Variants in RPA1 observed in about 807,000 individuals in gnomAD.
The protein encoded by RPA1 is replication protein A1, also known as replication protein A 70 kDa DNA-binding subunit.
Under a neutral mutation model 83.0 loss-of-function variants are expected in RPA1, and 49 were observed. That is an observed-to-expected ratio of 0.59 (90% CI 0.47 to 0.75). RPA1 has a LOEUF of 0.75. Among genes scored for constraint, RPA1 ranks in the 30% least tolerant of loss-of-function variants. The pLI is 0.00. For missense variants in RPA1, 693 were observed against 776.1 expected (o/e 0.89, Z 1.27); for synonymous variants, 279 against 281.8 (o/e 0.99, Z 0.10).
chr17:1,848,225 TG>T (rs1332221150), intron 4 of RPA1, among the ~76,000 whole-genome samples: 5 of 152,188 alleles, frequency 3.3e-5, no homozygotes. Context: ...GAGTTCATTA[TG>T]GTACGTGAAT....
intron 1 of RPA1, among the ~76,000 whole-genome samples, chr17:1,836,415 G>T (rs1266714042): frequency 6.6e-6 from 1 of 151,912 alleles, no homozygotes; most frequent in African/African-American, 2.4e-5. Context: ...CGGCCAAATT[G>T]CACGTATTTT....
At chr17:1,860,339 C>T (rs552051411) in intron 5 of RPA1, among the ~76,000 whole-genome samples, 13 of 152,094 alleles carry the variant, frequency 8.5e-5, no homozygotes, top group East Asian at 5.8e-4. Flanking sequence ...TTTGTAGGGG[C>T]GGGGTCTCAC....
At chr17:1,864,806 A>T (rs2151280757) in intron 5 of RPA1, among the ~76,000 whole-genome samples, 1 of 152,278 alleles carries the variant, frequency 6.6e-6, no homozygotes, top group Non-Finnish European at 1.5e-5. Flanking sequence ...AGGCTGAGGC[A>T]GGAGAATCAC....
At chr17:1,841,971 ATG>A (rs2074587740) in intron 1 of RPA1, among the ~76,000 whole-genome samples, 1 of 152,140 alleles carries the variant, frequency 6.6e-6, no homozygotes, top group South Asian at 2.1e-4. Context: ...ATAATATGTC[ATG>A]ACATATTATC....
intron 13 of RPA1, among the ~76,000 whole-genome samples, chr17:1,886,210 T>G (rs903095299): frequency 6.6e-6 from 1 of 152,218 alleles, no homozygotes; most frequent in African/African-American, 2.4e-5. Context: ...GGAGTCTCTT[T>G]TTCTGAGTAG....
At chr17:1,833,251 C>T (rs1470836682) in intron 1 of RPA1, among the ~76,000 whole-genome samples, 1 of 152,150 alleles carries the variant, frequency 6.6e-6, no homozygotes, top group Non-Finnish European at 1.5e-5. Context: ...TTCCATGAGG[C>T]CTGCAATCAT....
chr17:1,871,671 C>T (rs1913380512), intron 5 of RPA1, among the ~76,000 whole-genome samples: 1 of 152,232 alleles, frequency 6.6e-6, no homozygotes, highest in Non-Finnish European at 1.5e-5. Flanking sequence ...TAACATTCTT[C>T]AGCTCCATCA....
At position 1,879,203 on chromosome 17, in the gene RPA1, C is replaced by T; in HGVS notation, c.760-12C>T. 6.2e-7 allele frequency: 1 copy of T among 1,611,474 alleles called. No homozygotes were observed. Among genetic ancestry groups the T allele is most frequent in the Non-Finnish European group, 8.5e-7 (1 of 1,178,432 alleles). On this transcript the variant is annotated splice_polypyrimidine_tract_variant and intron_variant, in intron 9 of 16. Coordinates refer to ENST00000254719, the MANE Select transcript of RPA1 (RefSeq NM_002945.5). ...GGTAGTCTCAGGTTCTGTGGCTTGG[C>T]CTCCTTCGCAGGTGTATTATTTCTC...
intron 11 of RPA1, among the ~76,000 whole-genome samples, chr17:1,880,252 G>A (rs1260663551): frequency 6.6e-6 from 1 of 152,170 alleles, no homozygotes; most frequent in Non-Finnish European, 1.5e-5. Context: ...CATGTAGATG[G>A]GAAGGATTGT....
rs17339123 is a variant in RPA1 at position 1,889,883 on chromosome 17, C to G, written c.1551+1032C>G. ...GGCGTGGTGGCGGGTGCCTGTAGTCCCAGCTACTCGGGAGGCTGAGGCAGG... is the reference window on the plus strand; with the variant it reads ...GGCGTGGTGGCGGGTGCCTGTAGTCGCAGCTACTCGGGAGGCTGAGGCAGG... On this transcript the variant is annotated intron_variant, in intron 14 of 16. Coordinates refer to ENST00000254719, the MANE Select transcript of RPA1 (RefSeq NM_002945.5). Among the ~76,000 whole-genome samples the G allele has an allele frequency of 8.7e-3, 1,328 of 151,922 alleles. 23 individuals carry two copies. Among genetic ancestry groups the G allele is most frequent in the African/African-American group, 0.03 (1,260 of 41,406 alleles).
chr17:1,872,616 C>G, intron 6 of RPA1, 90 bp downstream of exon 6: 2 of 1,533,464 alleles, frequency 1.3e-6, no homozygotes, highest in East Asian at 2.4e-5. Context: ...AGGGAGTTTT[C>G]CAAATGCCAT....
At chr17:1,864,825 G>C (rs922547920) in intron 5 of RPA1, among the ~76,000 whole-genome samples, 1 of 152,140 alleles carries the variant, frequency 6.6e-6, no homozygotes, top group Admixed American at 6.5e-5. Context: ...ACTTGAGCCC[G>C]GGAGGTGGAA....
chr17:1,874,297 C>A (rs1254338295), intron 6 of RPA1, among the ~76,000 whole-genome samples: 1 of 152,052 alleles, frequency 6.6e-6, no homozygotes, highest in East Asian at 1.9e-4. Context: ...TTGAGCCCAG[C>A]AGTTTGACAC....
intron 4 of RPA1, among the ~76,000 whole-genome samples, chr17:1,849,258 A>C (rs1912381150): frequency 7.7e-6 from 1 of 130,542 alleles, no homozygotes; most frequent in Admixed American, 7.3e-5. Flanking sequence ...GTCTTTCTTT[A>C]CTTTTTCCCT....
At position 1,858,052 on chromosome 17, in the gene RPA1, A is replaced by G; in HGVS notation, c.361+4863A>G. The G allele has an allele frequency of 2.5e-6, 4 of 1,612,920 alleles. No homozygotes were observed. In the South Asian group the frequency reaches 4.4e-5, roughly 18 times the overall value. On this transcript the variant is annotated intron_variant, in intron 5 of 16. Coordinates refer to ENST00000254719, the MANE Select transcript of RPA1 (RefSeq NM_002945.5). ...AGCCTCCTTTCTTCACATGGCTGCC[A>G]GCCCCATAGAGGACAACACAGTAAG...
At chr17:1,870,593 C>T (rs4510061) in intron 5 of RPA1, among the ~76,000 whole-genome samples, 22,643 of 152,204 alleles carry the variant, frequency 0.15, 2,330 homozygotes, top group East Asian at 0.41. Flanking sequence ...CATCCCAAAC[C>T]GAAACTCTTG....
At chr17:1,865,479 C>T (rs1260942067) in intron 5 of RPA1, among the ~76,000 whole-genome samples, 2 of 152,178 alleles carry the variant, frequency 1.3e-5, no homozygotes, top group Non-Finnish European at 2.9e-5. Context: ...GATAATCAGA[C>T]ATCTGTTTTC....
In RPA1 at chr17:1,853,094, T is replaced by G. The variant is rs193126290; in HGVS notation, c.273-7T>G. On this transcript the variant is annotated splice_polypyrimidine_tract_variant and splice_region_variant and intron_variant, in intron 4 of 16. Transcript: ENST00000254719. ...TCTAACCTGTTTCTGTTTGTCTGCT[T>G]TTGCAGGAGAGTAGTTATCTTGATG... is the stretch of plus-strand genomic sequence containing the variant. 11 of 1,613,602 alleles carry G rather than the reference T, an allele frequency of 6.8e-6. No individual in the cohort carries two copies. In the East Asian group the frequency reaches 8.9e-5, roughly 13 times the overall value.
At chr17:1,839,855 C>T (rs930499404) in intron 1 of RPA1, among the ~76,000 whole-genome samples, 9 of 135,692 alleles carry the variant, frequency 6.6e-5, no homozygotes, top group African/African-American at 2.6e-4. Flanking sequence ...TACAGTGGTG[C>T]CATCTCACCT....
Sources: allele counts gnomAD v4.1 joint callset (sites outside exome capture counted in the v4.1 genomes callset), GRCh38; gene constraint gnomAD v4.1.1; transcripts MANE v1.5; gene names NCBI Gene and HGNC (gene_info 2026-07-23, HGNC 2026-07-21).